PCCA: variants seen among roughly 807,000 people sequenced by gnomAD.
PCCA encodes the protein propionyl-CoA carboxylase alpha chain, mitochondrial.
In PCCA, 74 loss-of-function variants were observed where a neutral mutation model predicts 101.3. That is an observed-to-expected ratio of 0.73 (90% CI 0.61 to 0.89). PCCA has a LOEUF of 0.89. Ranked by LOEUF, PCCA falls within the 40% of genes least tolerant of loss-of-function variation. The pLI is 0.00. For synonymous variants in PCCA, 294 were observed against 313.6 expected (o/e 0.94, Z 0.66); for missense variants, 891 against 907.0 (o/e 0.98, Z 0.23).
chr13:100,277,098 G>A (rs927334536), intron 12 of PCCA, among the ~76,000 whole-genome samples: 1 of 152,126 alleles, frequency 6.6e-6, no homozygotes, highest in Non-Finnish European at 1.5e-5. Context: ...AGCTCAAAGT[G>A]TAAGGCTCCT....
intron 21 of PCCA, among the ~76,000 whole-genome samples, chr13:100,452,484 T>G (rs552061211): frequency 3.7e-4 from 56 of 152,312 alleles, no homozygotes; most frequent in African/African-American, 1.1e-3. Flanking sequence ...CCCTTGTTTT[T>G]CTTCTACTAA....
intron 10 of PCCA, among the ~76,000 whole-genome samples, chr13:100,263,601 AATC>A (rs1233247292): frequency 1.3e-5 from 2 of 152,148 alleles, no homozygotes; most frequent in Admixed American, 6.5e-5. Context: ...ATGGGTGGAA[AATC>A]ATCATTTCAA....
chr13:100,191,449 T>A (rs989782237), intron 6 of PCCA, among the ~76,000 whole-genome samples: 1 of 152,084 alleles, frequency 6.6e-6, no homozygotes, highest in African/African-American at 2.4e-5. Context: ...GTCACCTCCG[T>A]CCTAAGTGTC....
intron 8 of PCCA, among the ~76,000 whole-genome samples, chr13:100,249,243 T>C (rs1431578990): frequency 6.6e-6 from 1 of 152,244 alleles, no homozygotes; most frequent in Non-Finnish European, 1.5e-5. Context: ...TATATTTAGG[T>C]CTGAGATCCA....
intron 21 of PCCA, among the ~76,000 whole-genome samples, chr13:100,488,815 G>A (rs964167316): frequency 2.6e-5 from 4 of 151,674 alleles, no homozygotes; most frequent in Non-Finnish European, 5.9e-5. Flanking sequence ...CACAAATAAA[G>A]TTAGTGGAAA....
intron 4 of PCCA, among the ~76,000 whole-genome samples, chr13:100,118,123 A>C (rs1432090382): frequency 2.0e-5 from 3 of 147,918 alleles, no homozygotes; most frequent in Non-Finnish European, 3.0e-5. Flanking sequence ...CTCAAAAAAA[A>C]AGAAAAAAAA....
At chr13:100,509,379 G>A (rs576702327) in intron 21 of PCCA, among the ~76,000 whole-genome samples, 21 of 152,302 alleles carry the variant, frequency 1.4e-4, no homozygotes, top group Non-Finnish European at 2.9e-4. Context: ...ATGTACTCAG[G>A]ACACATGTAC....
intron 2 of PCCA, among the ~76,000 whole-genome samples, chr13:100,108,299 C>T (rs986749987): frequency 2.0e-5 from 3 of 152,194 alleles, no homozygotes; most frequent in Non-Finnish European, 4.4e-5. Context: ...TCTTCATTAT[C>T]TCTTCTGGTA....
chr13:100,329,924 G>C (rs982141836), intron 16 of PCCA, among the ~76,000 whole-genome samples: 3 of 152,192 alleles, frequency 2.0e-5, no homozygotes, highest in African/African-American at 7.2e-5. Flanking sequence ...AATGCTTGCA[G>C]CTGGCGTTGG....
chr13:100,337,017 G>T (rs1796774318), intron 17 of PCCA, among the ~76,000 whole-genome samples: 1 of 152,146 alleles, frequency 6.6e-6, no homozygotes, highest in African/African-American at 2.4e-5. Flanking sequence ...CTCTGTCGGG[G>T]TTGGGGGAGA....
At chr13:100,147,441 CTT>C (rs2052718602) in intron 4 of PCCA, among the ~76,000 whole-genome samples, 1 of 152,154 alleles carries the variant, frequency 6.6e-6, no homozygotes, top group South Asian at 2.1e-4. Context: ...GATCCCATGA[CTT>C]TTGGTGGCTC....
chr13:100,494,639 C>T lies in PCCA; in HGVS notation c.1900-20788C>T, dbSNP rs145429155. Among the ~76,000 whole-genome samples the T allele has an allele frequency of 4.6e-4, 70 of 150,690 alleles. 1 individual carries two copies. The East Asian group carries it at 0.012, about 27-fold the overall frequency. On this transcript the variant is annotated intron_variant, in intron 21 of 23. Transcript: ENST00000376285. ...CGGAGTTTGCGGTGAGCCGAGATCG[C>T]GCTATTGCACTCTAGCCTGGGCAAC...
At chr13:100,346,393 A>G (rs1053241627) in intron 18 of PCCA, among the ~76,000 whole-genome samples, 3 of 152,236 alleles carry the variant, frequency 2.0e-5, no homozygotes, top group African/African-American at 7.2e-5. Context: ...GGAAATAGCA[A>G]GAAAACTAGA....
intron 18 of PCCA, among the ~76,000 whole-genome samples, chr13:100,355,687 T>C (rs2073888506): frequency 6.6e-6 from 1 of 152,202 alleles, no homozygotes; most frequent in African/African-American, 2.4e-5. Context: ...CCCTATGTTT[T>C]GAATCAGAAG....
intron 19 of PCCA, among the ~76,000 whole-genome samples, chr13:100,404,982 G>C (rs1421271452): frequency 6.6e-6 from 1 of 152,150 alleles, no homozygotes; most frequent in East Asian, 1.9e-4. Context: ...CCGAAGCTTG[G>C]AATTGAGTCG....
chr13:100,510,973 T>C (rs2086436593), intron 21 of PCCA, among the ~76,000 whole-genome samples: 1 of 152,226 alleles, frequency 6.6e-6, no homozygotes, highest in African/African-American at 2.4e-5. Context: ...CTGTGTATTG[T>C]CACTGTTGTG....
At chr13:100,139,121 A>G (rs2051555360) in intron 4 of PCCA, among the ~76,000 whole-genome samples, 1 of 151,978 alleles carries the variant, frequency 6.6e-6, no homozygotes, top group African/African-American at 2.4e-5. Flanking sequence ...TAGTTTGAGT[A>G]TCATTCCTTT....
intron 23 of PCCA, among the ~76,000 whole-genome samples, chr13:100,529,883 G>A (rs1236117017): frequency 1.3e-5 from 2 of 152,190 alleles, no homozygotes; most frequent in Admixed American, 1.3e-4. Flanking sequence ...GAGGAGACGG[G>A]AAAGGGGAGG....
chr13:100,323,516 C>T (rs543196089), intron 16 of PCCA, among the ~76,000 whole-genome samples: 2 of 152,086 alleles, frequency 1.3e-5, no homozygotes, highest in East Asian at 1.9e-4. Flanking sequence ...CGGGGTTTCA[C>T]CATGTTGGCC....
Sources: allele counts gnomAD v4.1 joint callset (sites outside exome capture counted in the v4.1 genomes callset), GRCh38; gene constraint gnomAD v4.1.1; transcripts MANE v1.5; gene names NCBI Gene and HGNC (gene_info 2026-07-23, HGNC 2026-07-21).